Variants in CACNA1E observed in about 807,000 individuals in gnomAD.
CACNA1E encodes voltage-dependent R-type calcium channel subunit alpha-1E.
Under a neutral mutation model 259.2 loss-of-function variants are expected in CACNA1E, and 40 were observed. The ratio of observed to expected loss-of-function variants is 0.15; its 90% confidence interval spans 0.12 to 0.20. CACNA1E has a LOEUF of 0.20. CACNA1E is among the 10% of genes least tolerant of loss of function. CACNA1E has a pLI of 1.00. For missense variants in CACNA1E, 1,874 were observed against 3,040.1 expected (o/e 0.62, Z 9.02); for synonymous variants, 1,104 against 1,138.5 (o/e 0.97, Z 0.61).
rs989115859 is a variant in CACNA1E at position 181,456,427 on chromosome 1, C to T, written c.435-27317C>T. 3.9e-5 allele frequency among the ~76,000 whole-genome samples: 6 copies of T among 152,248 alleles called. No homozygotes were observed. The East Asian group carries it at 7.7e-4, about 20-fold the overall frequency. ...GTAAGGAGAGGCTGTGCCTGTTCTG[C>T]GACCCTCCATGTGATCTGAGGTATT... On this transcript the variant is annotated intron_variant, in intron 2 of 11. Transcript: ENST00000524607.
rs560414761 is a variant in CACNA1E at position 181,529,126 on chromosome 1, G to A, written c.512+17616G>A. 5.9e-5 allele frequency among the ~76,000 whole-genome samples: 9 copies of A among 152,356 alleles called. No homozygotes were observed. In the South Asian group the frequency reaches 1.9e-3, roughly 32 times the overall value. Reference sequence around the variant, plus strand: ...GTCCCTGTGCTGTATGCAGTTTAGGGACTTGGTGCCCTGTGTCCCAGCTGT... The same window carrying A: ...GTCCCTGTGCTGTATGCAGTTTAGGAACTTGGTGCCCTGTGTCCCAGCTGT... On this transcript the variant is annotated intron_variant, in intron 3 of 47. Coordinates refer to ENST00000367573, the MANE Select transcript of CACNA1E (RefSeq NM_001205293.3).
intron 6 of CACNA1E, among the ~76,000 whole-genome samples, chr1:181,630,576 C>T (rs1273986397): frequency 6.6e-6 from 1 of 152,104 alleles, no homozygotes; most frequent in Non-Finnish European, 1.5e-5. Context: ...CCCAGGCACT[C>T]CTCTGGAATC....
intron 43 of CACNA1E, among the ~76,000 whole-genome samples, chr1:181,789,374 T>TA (rs752154975): frequency 4.0e-4 from 61 of 152,318 alleles, no homozygotes; most frequent in Admixed American, 1.4e-3. Flanking sequence ...TCCTGTAATC[T>TA]AAAAAAACAT....
At chr1:181,685,413 C>T (rs1650437321) in intron 7 of CACNA1E, among the ~76,000 whole-genome samples, 1 of 152,068 alleles carries the variant, frequency 6.6e-6, no homozygotes, top group South Asian at 2.1e-4. Flanking sequence ...ATAACTAACC[C>T]AGTGTGGTCT....
intron 1 of CACNA1E, among the ~76,000 whole-genome samples, chr1:181,385,881 C>G (rs1009661026): frequency 6.6e-6 from 1 of 150,624 alleles, no homozygotes; most frequent in Admixed American, 6.6e-5. Flanking sequence ...CTCCCTCCCT[C>G]TCTTCCTCCC....
intron 1 of CACNA1E, among the ~76,000 whole-genome samples, chr1:181,379,637 A>G (rs766800292): frequency 1.3e-5 from 2 of 152,150 alleles, no homozygotes; most frequent in Non-Finnish European, 2.9e-5. Context: ...CACTTGATGG[A>G]AAGGGCTAGC....
At chr1:181,765,549 T>TGTAAATAGTCTCATA (rs1457840487) in intron 34 of CACNA1E, among the ~76,000 whole-genome samples, 2 of 152,306 alleles carry the variant, frequency 1.3e-5, no homozygotes, top group South Asian at 2.1e-4. Context: ...CTCTTCAAGT[T>TGTAAATAGTCTCATA]GTAAATAGTC....
upstream of CACNA1E, among the ~76,000 whole-genome samples, chr1:181,479,667 T>G (rs1383247450): frequency 6.6e-6 from 1 of 152,216 alleles, no homozygotes; most frequent in African/African-American, 2.4e-5. Flanking sequence ...AATTTGAGGA[T>G]GGTAAGCATA....
rs568764552 is a variant in CACNA1E at position 181,656,002 on chromosome 1, C to T, written c.1055+4561C>T. Among the ~76,000 whole-genome samples, 29 of 152,198 alleles carry T rather than the reference C, an allele frequency of 1.9e-4. No homozygotes were observed. The South Asian group carries it at 6.0e-3, about 32-fold the overall frequency. The stretch of plus-strand genomic sequence containing the variant: ...GTCATCTTAACATCATAGTGCAATG[C>T]ATTACTCACATGGTTGTGGTGACGC... On this transcript the variant is annotated intron_variant, in intron 7 of 47. Transcript: ENST00000367573.
In CACNA1E at chr1:181,798,564, A is replaced by C; in HGVS notation, c.6672A>C (p.Pro2224=). Residue 2224 remains proline (P), a synonymous_variant, in exon 48 of 48, where the codon CCA becomes CCC. Coordinates refer to ENST00000367573, the MANE Select transcript of CACNA1E (RefSeq NM_001205293.3). The surrounding 1 kb of genome is among the most constrained non-coding windows in gnomAD (Gnocchi z 4.2). ...PHPQQSQHAS[P]QRYISEPYLA... ...CCCAGCAGAGCCAACATGCCTCCCC[A>C]CAGCGCTACATCTCCGAGCCCTACT... 6.2e-7 allele frequency: 1 copy of C among 1,613,656 alleles called. No homozygotes were observed. Among genetic ancestry groups the C allele is most frequent in the Non-Finnish European group, 8.5e-7 (1 of 1,179,876 alleles).
At chr1:181,398,580 C>A (rs548508050) in intron 1 of CACNA1E, among the ~76,000 whole-genome samples, 20 of 152,338 alleles carry the variant, frequency 1.3e-4, no homozygotes, top group African/African-American at 4.6e-4. Flanking sequence ...AAAGCTGATT[C>A]AAAGCGCAGG....
At chr1:181,385,424 A>G (rs2102013326) in intron 1 of CACNA1E, among the ~76,000 whole-genome samples, 1 of 152,354 alleles carries the variant, frequency 6.6e-6, no homozygotes, top group Non-Finnish European at 1.5e-5. Flanking sequence ...GCTAATTGTA[A>G]TAAAGAGCTT....
intron 3 of CACNA1E, among the ~76,000 whole-genome samples, chr1:181,538,305 T>G (rs145747001): frequency 2.3e-4 from 35 of 152,348 alleles, no homozygotes; most frequent in African/African-American, 8.2e-4. Context: ...GAAAAATATA[T>G]CTGCTTTAAG....
At chr1:181,552,010 C>T (rs900668393) in intron 3 of CACNA1E, among the ~76,000 whole-genome samples, 3 of 152,078 alleles carry the variant, frequency 2.0e-5, no homozygotes, top group Non-Finnish European at 2.9e-5. Flanking sequence ...AAGTGACAAC[C>T]ACTTGCCACC....
At chr1:181,475,600 A>G (rs1392361033) in intron 2 of CACNA1E, among the ~76,000 whole-genome samples, 1 of 152,190 alleles carries the variant, frequency 6.6e-6, no homozygotes. Context: ...ACCTCATACT[A>G]TGGTACGTGA....
At chr1:181,457,861 C>T (rs1661559315) in intron 2 of CACNA1E, among the ~76,000 whole-genome samples, 1 of 152,240 alleles carries the variant, frequency 6.6e-6, no homozygotes, top group Admixed American at 6.5e-5. Context: ...TTGGTACATT[C>T]CCACTATGGG....
intron 7 of CACNA1E, among the ~76,000 whole-genome samples, chr1:181,701,986 A>T (rs1226040979): frequency 6.6e-6 from 1 of 152,182 alleles, no homozygotes; most frequent in Non-Finnish European, 1.5e-5. Context: ...GAGAAAGAGC[A>T]TCTAGGATGG....
chr1:181,597,294 G>A (rs1653278955), intron 6 of CACNA1E, among the ~76,000 whole-genome samples: 1 of 152,144 alleles, frequency 6.6e-6, no homozygotes, highest in African/African-American at 2.4e-5. Flanking sequence ...TTTGAGAGGA[G>A]AAAGGGGCTC....
intron 3 of CACNA1E, among the ~76,000 whole-genome samples, chr1:181,520,706 A>T (rs1666940349): frequency 6.6e-6 from 1 of 152,236 alleles, no homozygotes. Flanking sequence ...ATTTTATCAA[A>T]ATTAGTCAAA....
Sources: gnomAD v4.1 joint callset for allele counts (sites outside exome capture counted in the v4.1 genomes callset) on GRCh38, gnomAD v4.1.1 for gene constraint, Gnocchi (gnomAD v3.1) non-coding constraint, MANE v1.5 for transcripts, NCBI Gene and HGNC (gene_info 2026-07-23, HGNC 2026-07-21) for gene names.